The following GRIN2B variants were observed in gnomAD, a reference collection of about 807,000 sequenced individuals.
GRIN2B encodes glutamate receptor ionotropic, NMDA 2B.
A neutral mutation model predicts 114.5 loss-of-function variants in GRIN2B; 5 were observed. The observed-to-expected ratio is 0.04, with a 90% CI of 0.02 to 0.09. The LOEUF (loss-of-function observed/expected upper bound fraction) is 0.09. Ranked by LOEUF, GRIN2B falls within the 10% of genes least tolerant of loss-of-function variation. The pLI is 1.00. For missense variants in GRIN2B, 1,108 were observed against 1,943.5 expected (o/e 0.57, Z 8.08); for synonymous variants, 787 against 745.1 (o/e 1.06, Z -0.92).
chr12:13,939,343 G>C (rs1418453892), intron 2 of GRIN2B, among the ~76,000 whole-genome samples: 6 of 151,980 alleles, frequency 3.9e-5, no homozygotes, highest in Non-Finnish European at 8.8e-5. Context: ...GAATGGTTTG[G>C]TGCCTTTCCC....
intron 2 of GRIN2B, among the ~76,000 whole-genome samples, chr12:13,911,746 C>A (rs898263303): frequency 6.6e-6 from 1 of 152,136 alleles, no homozygotes; most frequent in Non-Finnish European, 1.5e-5. Context: ...GTCCAGCCCT[C>A]GCAGAAGGTG....
At chr12:13,927,982 A>AAAAAAAAAAAAAAAAAAAGG (rs71067738) in intron 2 of GRIN2B, among the ~76,000 whole-genome samples, 2 of 129,700 alleles carry the variant, frequency 1.5e-5, no homozygotes, top group South Asian at 2.7e-4. Flanking sequence ...AAAAAAAAAA[A>AAAAAAAAAAAAAAAAAAAGG]GGGGGGGTAT....
At chr12:13,733,859 G>A in intron 4 of GRIN2B, among the ~76,000 whole-genome samples, 1 of 152,172 alleles carries the variant, frequency 6.6e-6, no homozygotes, top group East Asian at 1.9e-4. Context: ...TTCTTTCCAA[G>A]TAAGCATCTC....
chr12:13,578,758 C>T (rs1224873952), intron 10 of GRIN2B, among the ~76,000 whole-genome samples: 1 of 152,114 alleles, frequency 6.6e-6, no homozygotes, highest in Non-Finnish European at 1.5e-5. Flanking sequence ...GAAATTGAAA[C>T]AGCATAATAG....
chr12:13,550,680 T>TTTCTGTA lies in GRIN2B; in HGVS notation c.*12096_*12102dup, dbSNP rs1176039320. ...AATGCTGCCTTCACATAAAGCCTCT[T>TTTCTGTA]TTCTGTAATCCAAGATGTCCAGCTA... On this transcript the variant is annotated 3_prime_UTR_variant, in exon 14 of 14. Transcript: ENST00000609686. The TTTCTGTA allele has an allele frequency of 1.3e-5, 2 of 152,126 alleles. No homozygotes were observed. Among genetic ancestry groups the TTTCTGTA allele is most frequent in the Non-Finnish European group, 2.9e-5 (2 of 68,020 alleles). The allele number at this position is 152,126 out of a possible 1,614,324, so 9.4% of individuals were successfully genotyped here.
intron 4 of GRIN2B, among the ~76,000 whole-genome samples, chr12:13,749,586 C>T (rs1863445127): frequency 6.6e-6 from 1 of 152,194 alleles, no homozygotes; most frequent in Non-Finnish European, 1.5e-5. Flanking sequence ...ATTTTATTTG[C>T]AAAGATTTCC....
At chr12:13,594,817 C>T (rs139372264) in intron 10 of GRIN2B, among the ~76,000 whole-genome samples, 80 of 152,198 alleles carry the variant, frequency 5.3e-4, no homozygotes, top group African/African-American at 1.9e-3. Context: ...GATTTCAGGG[C>T]ATTTCCAACT....
intron 3 of GRIN2B, among the ~76,000 whole-genome samples, chr12:13,799,946 C>T (rs1425475919): frequency 1.3e-5 from 2 of 152,094 alleles, no homozygotes; most frequent in African/African-American, 4.8e-5. Flanking sequence ...GAAGAAACCG[C>T]TCCATAGTAC....
intron 2 of GRIN2B, among the ~76,000 whole-genome samples, chr12:13,923,010 A>G (rs1430602232): frequency 2.0e-5 from 3 of 152,134 alleles, no homozygotes; most frequent in Non-Finnish European, 1.5e-5. Flanking sequence ...AAAATAAAAA[A>G]CTATTAATTC....
intron 4 of GRIN2B, among the ~76,000 whole-genome samples, chr12:13,739,438 C>A (rs888271478): frequency 1.8e-4 from 27 of 147,154 alleles, no homozygotes; most frequent in African/African-American, 6.2e-4. Flanking sequence ...TTCTGATGAT[C>A]CTAACCAACC....
intron 11 of GRIN2B, among the ~76,000 whole-genome samples, chr12:13,571,375 C>A (rs112784493): frequency 6.6e-6 from 1 of 152,190 alleles, no homozygotes; most frequent in Non-Finnish European, 1.5e-5. Flanking sequence ...GATCAGTCAA[C>A]GCATTCTTAC....
chr12:13,733,918 G>A (rs1038810907), intron 4 of GRIN2B, among the ~76,000 whole-genome samples: 1 of 152,158 alleles, frequency 6.6e-6, no homozygotes, highest in African/African-American at 2.4e-5. Flanking sequence ...AGTCTGAAAA[G>A]GTAAAATGAC....
chr12:13,649,680 C>A (rs754645113), intron 5 of GRIN2B, among the ~76,000 whole-genome samples: 1 of 151,928 alleles, frequency 6.6e-6, no homozygotes, highest in African/African-American at 2.4e-5. Flanking sequence ...GATATCATAC[C>A]AGTGGACACC....
At chr12:13,945,983 C>T (rs995215462) in intron 2 of GRIN2B, among the ~76,000 whole-genome samples, 4 of 152,134 alleles carry the variant, frequency 2.6e-5, no homozygotes, top group African/African-American at 9.7e-5. Context: ...CATTTGGGAA[C>T]AGAAGTAGCA....
chr12:13,595,866 G>C (rs986351493), intron 10 of GRIN2B, among the ~76,000 whole-genome samples: 1 of 152,136 alleles, frequency 6.6e-6, no homozygotes, highest in Admixed American at 6.5e-5. Flanking sequence ...GCTTTTAAAA[G>C]GATAAAAAGA....
At chr12:13,581,752 A>C (rs1948852646) in intron 10 of GRIN2B, among the ~76,000 whole-genome samples, 1 of 152,116 alleles carries the variant, frequency 6.6e-6, no homozygotes, top group Admixed American at 6.5e-5. Context: ...TTTACTAAAA[A>C]TACAAAAATT....
intron 3 of GRIN2B, among the ~76,000 whole-genome samples, chr12:13,843,011 T>C (rs938895976): frequency 7.1e-6 from 1 of 140,004 alleles, no homozygotes; most frequent in Non-Finnish European, 1.5e-5. Flanking sequence ...TAATTTTTAC[T>C]TTTTAAAATT....
intron 4 of GRIN2B, among the ~76,000 whole-genome samples, chr12:13,733,013 A>G (rs1863111660): frequency 6.6e-6 from 1 of 152,196 alleles, no homozygotes. Context: ...ACACACATAT[A>G]TTAAAAGTTT....
chr12:13,821,343 C>T (rs1198599508), intron 3 of GRIN2B, among the ~76,000 whole-genome samples: 1 of 152,202 alleles, frequency 6.6e-6, no homozygotes, highest in African/African-American at 2.4e-5. Flanking sequence ...CACACACTTA[C>T]ACATACCATG....
Sources: gnomAD v4.1 joint callset for allele counts (sites outside exome capture counted in the v4.1 genomes callset) on GRCh38, gnomAD v4.1.1 for gene constraint, MANE v1.5 for transcripts, NCBI Gene and HGNC (gene_info 2026-07-23, HGNC 2026-07-21) for gene names.